MSANTD7: variants seen among roughly 807,000 people sequenced by gnomAD.
MSANTD7 encodes the protein zinc finger and SCAN domain containing 29.
chr10:14,844,150 T>G, the MSANTD7 span: 1 of 1,304,832 alleles, frequency 7.7e-7, no homozygotes, highest in Non-Finnish European at 9.8e-7. Context: ...CATCCTAGCT[T>G]TGTCACAGAT....
the MSANTD7 span, chr10:14,840,024 A>T: frequency 1.4e-6 from 2 of 1,480,648 alleles, no homozygotes; most frequent in East Asian, 2.3e-5. Context: ...GAAATAATTT[A>T]AAATTACATA....
the MSANTD7 span, chr10:14,844,021 T>G: frequency 6.9e-7 from 1 of 1,449,706 alleles, no homozygotes. Context: ...TATATCCAGA[T>G]AGTATGAAAA....
chr10:14,846,263 GA>G, the MSANTD7 span: 1 of 985,346 alleles, frequency 1.0e-6, no homozygotes, highest in African/African-American at 1.7e-5. Flanking sequence ...TGGAAACACA[GA>G]AGTACTTGAC....
chr10:14,846,357 C>T, the MSANTD7 span: 1 of 985,248 alleles, frequency 1.0e-6, no homozygotes, highest in Non-Finnish European at 1.2e-6. Flanking sequence ...GAAAGGAGTG[C>T]TGAAGAAGAG....
At chr10:14,846,201 T>C in the MSANTD7 span, 2 of 985,230 alleles carry the variant, frequency 2.0e-6, no homozygotes, top group African/African-American at 1.7e-5. Context: ...TAGGCTATTA[T>C]ATGGAAAGAT....
At chr10:14,846,138 G>T in the MSANTD7 span, 13 of 984,078 alleles carry the variant, frequency 1.3e-5, no homozygotes, top group Non-Finnish European at 1.6e-5. Flanking sequence ...CTTTAAAAGA[G>T]CATATATTTA....
chr10:14,844,920 G>A, the MSANTD7 span: 16 of 985,252 alleles, frequency 1.6e-5, no homozygotes, highest in Non-Finnish European at 1.8e-5. Context: ...CCCTAGAAAC[G>A]TTTCCTTTTG....
At chr10:14,839,995 C>A in the MSANTD7 span, 1 of 1,595,588 alleles carries the variant, frequency 6.3e-7, no homozygotes, top group Non-Finnish European at 8.6e-7. Flanking sequence ...GGTACTAGTC[C>A]CCCCATTTTT....
At chr10:14,844,662 T>A in the MSANTD7 span, 1 of 981,136 alleles carries the variant, frequency 1.0e-6, no homozygotes, top group Non-Finnish European at 1.2e-6. Context: ...GCCGCCATTG[T>A]GTGTTACGGT....
the MSANTD7 span, among the ~76,000 whole-genome samples, chr10:14,841,598 A>G: frequency 3.8e-3 from 579 of 152,282 alleles, 3 homozygotes; most frequent in African/African-American, 0.013. Flanking sequence ...GTAGCCAACA[A>G]TATGTTACTG....
the MSANTD7 span, chr10:14,838,725 A>C: frequency 2.1e-6 from 1 of 466,690 alleles, no homozygotes; most frequent in Non-Finnish European, 3.8e-6. Context: ...GGATGCCCGG[A>C]GGGGTCCCAG....
chr10:14,845,674 A>G, the MSANTD7 span: 1 of 310,140 alleles, frequency 3.2e-6, no homozygotes, highest in Non-Finnish European at 4.7e-6. Flanking sequence ...GCTCACTGCA[A>G]CCTCAGCCTC....
At chr10:14,844,038 C>T in the MSANTD7 span, 3 of 1,441,070 alleles carry the variant, frequency 2.1e-6, no homozygotes, top group Non-Finnish European at 2.7e-6. Context: ...AAAATAATTG[C>T]TAGTTCATTT....
the MSANTD7 span, chr10:14,838,391 C>T: frequency 1.2e-6 from 2 of 1,600,582 alleles, no homozygotes; most frequent in Non-Finnish European, 1.7e-6. Flanking sequence ...CCGCTGCCGT[C>T]CCTGCTGCCT....
the MSANTD7 span, chr10:14,846,834 A>C: frequency 1.0e-6 from 1 of 985,286 alleles, no homozygotes; most frequent in East Asian, 1.1e-4. Flanking sequence ...AGGAGGAGGA[A>C]GAGAAGATGG....
the MSANTD7 span, chr10:14,840,147 C>G: frequency 1.4e-6 from 2 of 1,434,742 alleles, no homozygotes; most frequent in Non-Finnish European, 1.9e-6. Flanking sequence ...AAAGCAGATC[C>G]TGGGCAGAAG....
At chr10:14,838,739 C>T in the MSANTD7 span, among the ~76,000 whole-genome samples, 1 of 152,074 alleles carries the variant, frequency 6.6e-6, no homozygotes, top group East Asian at 1.9e-4. Flanking sequence ...GTCCCAGGGA[C>T]GACGTAGCTG....
At chr10:14,845,870 C>G in the MSANTD7 span, 1 of 363,526 alleles carries the variant, frequency 2.8e-6, no homozygotes, top group South Asian at 1.1e-4. Flanking sequence ...CCAATTCATG[C>G]CTCAATTTCT....
chr10:14,846,664 C>A, the MSANTD7 span: 4 of 940,388 alleles, frequency 4.3e-6, no homozygotes, highest in Non-Finnish European at 5.1e-6. Flanking sequence ...TCCTACCTAC[C>A]TCACAGGGGT....
Sources: allele counts gnomAD v4.1 joint callset (sites outside exome capture counted in the v4.1 genomes callset), GRCh38; gene constraint gnomAD v4.1.1; transcripts MANE v1.5; gene names NCBI Gene and HGNC (gene_info 2026-07-23, HGNC 2026-07-21).